The following PTPRJ variants were observed in gnomAD, a reference collection of about 807,000 sequenced individuals.
PTPRJ encodes receptor-type tyrosine-protein phosphatase eta.
Under a neutral mutation model 141.3 loss-of-function variants are expected in PTPRJ, and 129 were observed. The ratio of observed to expected loss-of-function variants is 0.91; its 90% confidence interval spans 0.79 to 1.06. The LOEUF (loss-of-function observed/expected upper bound fraction) is 1.06. PTPRJ is among the 50% of genes least tolerant of loss of function. The pLI is 0.00. For missense variants in PTPRJ, 1,601 were observed against 1,679.7 expected (o/e 0.95, Z 0.82); for synonymous variants, 610 against 640.5 (o/e 0.95, Z 0.72).
In PTPRJ at chr11:47,980,756, G is replaced by A. The variant is rs890440583; in HGVS notation, c.-157G>A. On this transcript the variant is annotated 5_prime_UTR_variant, in exon 1 of 25. Transcript: ENST00000418331. ...CCGCCGCCGCCGCTGCCATGTCTCCGGGGAAGCCCGGGGCGGGCGGAGCGG... is the reference window on the plus strand; with the variant it reads ...CCGCCGCCGCCGCTGCCATGTCTCCAGGGAAGCCCGGGGCGGGCGGAGCGG... 46 of 1,018,914 alleles carry A rather than the reference G, an allele frequency of 4.5e-5. No homozygotes were observed. Among genetic ancestry groups the A allele is most frequent in the Non-Finnish European group, 4.7e-5 (40 of 854,106 alleles). The allele number at this position is 1,018,914 out of a possible 1,614,324, so 63.1% of individuals were successfully genotyped here. A position where few individuals can be genotyped will look rare whatever the true frequency, so the allele number is the denominator to read the frequency against.
At chr11:48,021,375 TAAAATAAATAAA>T (rs1163948540) in intron 1 of PTPRJ, among the ~76,000 whole-genome samples, 4 of 109,254 alleles carry the variant, frequency 3.7e-5, no homozygotes, top group African/African-American at 1.3e-4. Flanking sequence ...ACTCCGTCCC[TAAAATAAATAAA>T]TAAATAAATA....
At chr11:48,135,523 C>G (rs1857080103) in intron 8 of PTPRJ, among the ~76,000 whole-genome samples, 1 of 146,440 alleles carries the variant, frequency 6.8e-6, no homozygotes, top group Admixed American at 6.9e-5. Context: ...ATTCTGTCGC[C>G]CAGGCTGGAG....
intron 1 of PTPRJ, among the ~76,000 whole-genome samples, chr11:48,000,698 T>C (rs912471338): frequency 6.6e-6 from 1 of 151,964 alleles, no homozygotes; most frequent in East Asian, 1.9e-4. Context: ...CAGGGCCTGG[T>C]ACTATCCTCC....
chr11:48,008,619 C>T (rs1475658874), intron 1 of PTPRJ, among the ~76,000 whole-genome samples: 1 of 151,062 alleles, frequency 6.6e-6, no homozygotes, highest in Non-Finnish European at 1.5e-5. Flanking sequence ...GGCTGGAGTG[C>T]AATGGTGTGG....
chr11:48,127,673 C>T lies in PTPRJ; in HGVS notation c.1094-107C>T, dbSNP rs915732610. ...GTTGATGGTGCAGAGGAGGAAGGAA[C>T]ACTCCCCCAGGAGAGTTTGCTGGGC... is the stretch of plus-strand genomic sequence containing the variant. On this transcript the variant is annotated intron_variant, in intron 6 of 24. Transcript: ENST00000418331. 2.5e-5 allele frequency: 29 copies of T among 1,175,086 alleles called. 1 individual carries two copies. Among genetic ancestry groups the T allele is most frequent in the Non-Finnish European group, 3.4e-5 (28 of 813,074 alleles). 72.8% of individuals were successfully genotyped at this position (1,175,086 alleles called of 1,614,324 possible).
intron 1 of PTPRJ, among the ~76,000 whole-genome samples, chr11:48,108,542 G>C (rs11039519): frequency 0.67 from 101,837 of 152,136 alleles, 35,723 homozygotes; most frequent in East Asian, 0.81. Context: ...GTAAGTTAGA[G>C]TTCCTTTTTA....
intron 6 of PTPRJ, among the ~76,000 whole-genome samples, chr11:48,126,570 C>T (rs1856836455): frequency 6.6e-6 from 1 of 152,002 alleles, no homozygotes; most frequent in Non-Finnish European, 1.5e-5. Context: ...TTCCAGGTTG[C>T]AGACTCCCTG....
intron 11 of PTPRJ, 115 bp from the exon 12 acceptor site, chr11:48,142,804 A>C (rs913705358): frequency 1.5e-6 from 2 of 1,303,702 alleles, no homozygotes; most frequent in African/African-American, 3.0e-5. Context: ...GCACGAGCCC[A>C]GCATGTAGCT....
At chr11:48,002,199 G>A (rs914034285) in intron 1 of PTPRJ, among the ~76,000 whole-genome samples, 5 of 147,692 alleles carry the variant, frequency 3.4e-5, no homozygotes, top group East Asian at 2.0e-4. Context: ...GTGCGGTGGC[G>A]CCATCTCAGC....
chr11:48,079,172 C>CA (rs1191085918), intron 1 of PTPRJ, among the ~76,000 whole-genome samples: 6 of 151,646 alleles, frequency 4.0e-5, no homozygotes, highest in Non-Finnish European at 5.9e-5. Flanking sequence ...AAAAAAATCA[C>CA]AAAAAATCTC....
chr11:48,055,078 T>A (rs928820687), intron 1 of PTPRJ, among the ~76,000 whole-genome samples: 7 of 152,018 alleles, frequency 4.6e-5, no homozygotes, highest in African/African-American at 1.7e-4. Context: ...CCCAGCTACT[T>A]GGGTGGCTAA....
rs1290363442 is a variant in PTPRJ at position 48,155,785 on chromosome 11, T to C, written c.3230-16T>C. The C allele has an allele frequency of 1.9e-6, 3 of 1,561,980 alleles. No homozygotes were observed. In the African/African-American group the frequency reaches 4.1e-5, roughly 21 times the overall value. On this transcript the variant is annotated splice_polypyrimidine_tract_variant and intron_variant, in intron 19 of 24. Coordinates refer to ENST00000418331, the MANE Select transcript of PTPRJ (RefSeq NM_002843.4). ...ATTTGCTTATAATGGGGACCTTTTT[T>C]CTTTTAATGTCACAGATGATATTTC...
intron 14 of PTPRJ, among the ~76,000 whole-genome samples, chr11:48,145,747 C>T (rs370884990): frequency 3.3e-5 from 5 of 151,892 alleles, no homozygotes; most frequent in Non-Finnish European, 7.4e-5. Context: ...TTAGTGGCGA[C>T]GGGGTTTTGC....
chr11:48,076,175 A>G (rs1855396181), intron 1 of PTPRJ, among the ~76,000 whole-genome samples: 1 of 152,172 alleles, frequency 6.6e-6, no homozygotes, highest in Non-Finnish European at 1.5e-5. Flanking sequence ...GCCTTACAAA[A>G]TGGGGCAGAG....
intron 18 of PTPRJ, 83 bp from the exon 19 acceptor site, chr11:48,153,713 T>A: frequency 1.1e-6 from 1 of 881,812 alleles, no homozygotes; most frequent in Non-Finnish European, 1.9e-6. Flanking sequence ...ACTGTTGGGC[T>A]GGTTTCACTG....
chr11:48,059,402 C>T (rs1467499290), intron 1 of PTPRJ, among the ~76,000 whole-genome samples: 10 of 152,090 alleles, frequency 6.6e-5, no homozygotes, highest in Admixed American at 4.6e-4. Flanking sequence ...GGATTACAGG[C>T]GTGAGCCACT....
At chr11:48,022,923 C>T (rs904907577) in intron 1 of PTPRJ, among the ~76,000 whole-genome samples, 63 of 151,978 alleles carry the variant, frequency 4.1e-4, no homozygotes, top group African/African-American at 1.5e-3. Flanking sequence ...TGGGGATAGG[C>T]CTGGTGGGGC....
At chr11:48,133,436 C>G (rs1857022753) in intron 8 of PTPRJ, among the ~76,000 whole-genome samples, 1 of 152,050 alleles carries the variant, frequency 6.6e-6, no homozygotes, top group African/African-American at 2.4e-5. Flanking sequence ...TTCAATGGTC[C>G]CATTGAATGA....
chr11:48,114,408 C>T (rs377250754), intron 3 of PTPRJ, among the ~76,000 whole-genome samples: 4 of 133,528 alleles, frequency 3.0e-5, no homozygotes, highest in African/African-American at 5.7e-5. Flanking sequence ...ACTGCACTCC[C>T]GACAGAGTGA....
Sources: allele counts gnomAD v4.1 joint callset (sites outside exome capture counted in the v4.1 genomes callset), GRCh38; gene constraint gnomAD v4.1.1; transcripts MANE v1.5; gene names NCBI Gene and HGNC (gene_info 2026-07-23, HGNC 2026-07-21).